Variants in ATP2A2 observed in about 807,000 individuals in gnomAD.
ATP2A2 encodes ATPase sarcoplasmic/endoplasmic reticulum Ca2+ transporting 2, also known as sarcoplasmic/endoplasmic reticulum calcium ATPase 2.
ATP2A2 carries 14 observed loss-of-function variants against 109.3 expected under a neutral mutation model. The observed-to-expected ratio is 0.13, with a 90% CI of 0.08 to 0.20. The LOEUF is 0.20. ATP2A2 is among the 10% of genes least tolerant of loss of function. The pLI, the probability that ATP2A2 is intolerant of heterozygous loss-of-function variation, is 1.00. For synonymous variants in ATP2A2, 506 were observed against 490.9 expected (o/e 1.03, Z -0.41); for missense variants, 657 against 1,321.6 (o/e 0.50, Z 7.80).
chr12:110,339,741 C>T lies in ATP2A2; in HGVS notation c.1761+20C>T, dbSNP rs1408138553. The T allele has an allele frequency of 1.9e-6, 3 of 1,608,006 alleles. No homozygotes were observed. The highest frequency in any genetic ancestry group is 1.7e-5 in the Admixed American group (1 of 59,990). The stretch of plus-strand genomic sequence containing the variant: ...TATGAGGTTAGCTAATGAAAAGTTT[C>T]TTTGTCCACACCCTGCACGATTCAT... On this transcript the variant is annotated intron_variant, in intron 13 of 19. Coordinates refer to ENST00000539276, the MANE Select transcript of ATP2A2 (RefSeq NM_170665.4). This position sits in a 1 kb window ranked among gnomAD's most constrained non-coding sequence, Gnocchi z 4.4.
intron 5 of ATP2A2, among the ~76,000 whole-genome samples, chr12:110,321,713 G>A (rs1012837090): frequency 7.9e-5 from 12 of 152,050 alleles, no homozygotes; most frequent in Middle Eastern, 6.9e-3. Flanking sequence ...GGGATTAACG[G>A]ACAGCTGTTT....
intron 5 of ATP2A2, among the ~76,000 whole-genome samples, chr12:110,310,084 T>C (rs1475305461): frequency 1.3e-5 from 2 of 152,168 alleles, no homozygotes; most frequent in African/African-American, 2.4e-5. Flanking sequence ...TTCTGTATTA[T>C]CTGCTGACAT....
chr12:110,293,815 G>A (rs1025811310), intron 4 of ATP2A2, among the ~76,000 whole-genome samples: 8 of 140,796 alleles, frequency 5.7e-5, no homozygotes, highest in Non-Finnish European at 1.2e-4. Flanking sequence ...ATTTGTAATT[G>A]TGCCATATAT....
At chr12:110,307,524 G>C (rs1034346647) in intron 5 of ATP2A2, among the ~76,000 whole-genome samples, 2 of 152,012 alleles carry the variant, frequency 1.3e-5, no homozygotes, top group African/African-American at 4.8e-5. Flanking sequence ...GTGAGCCACC[G>C]TGCCCAGCAA....
chr12:110,302,005 A>G (rs1874707888), intron 5 of ATP2A2, among the ~76,000 whole-genome samples: 1 of 152,114 alleles, frequency 6.6e-6, no homozygotes, highest in Non-Finnish European at 1.5e-5. Flanking sequence ...CATTTTCTAT[A>G]TTGTAATATA....
intron 5 of ATP2A2, among the ~76,000 whole-genome samples, chr12:110,306,077 A>G (rs571638809): frequency 6.6e-6 from 1 of 152,230 alleles, no homozygotes; most frequent in East Asian, 1.9e-4. Flanking sequence ...TTTCACCGCT[A>G]TGACAGGCTG....
chr12:110,328,474 CAGG>C (rs1033571253), intron 8 of ATP2A2, among the ~76,000 whole-genome samples: 1 of 152,120 alleles, frequency 6.6e-6, no homozygotes, highest in African/African-American at 2.4e-5. Context: ...GAGGCTGAGA[CAGG>C]AGAATTGCTT....
Position 110,348,071 on chromosome 12 carries a change from C to T in ATP2A2, c.*1601C>T. ...ACAAAAGCCGGAGTGGGGAGAGAGG[C>T]ATTTCAGCCAGACCAACAGGCTGAA... On this transcript the variant is annotated 3_prime_UTR_variant, in exon 20 of 20. Coordinates refer to ENST00000539276, the MANE Select transcript of ATP2A2 (RefSeq NM_170665.4). 1 of 986,378 alleles carries T rather than the reference C, an allele frequency of 1.0e-6. No individual in the cohort carries two copies. The highest frequency in any genetic ancestry group is 1.2e-6 in the Non-Finnish European group (1 of 830,634). 61.1% of individuals were successfully genotyped at this position (986,378 alleles called of 1,614,324 possible). A position where few individuals can be genotyped will look rare whatever the true frequency, so the allele number is the denominator to read the frequency against.
intron 5 of ATP2A2, among the ~76,000 whole-genome samples, chr12:110,309,051 G>A (rs1875691629): frequency 6.6e-6 from 1 of 151,078 alleles, no homozygotes; most frequent in South Asian, 2.1e-4. Context: ...AAGATATCTG[G>A]TAGGATGGTT....
intron 11 of ATP2A2, among the ~76,000 whole-genome samples, chr12:110,337,565 G>A (rs1878952241): frequency 6.6e-6 from 1 of 152,238 alleles, no homozygotes; most frequent in Admixed American, 6.5e-5. Flanking sequence ...CAGCAGGATC[G>A]CTGCAGGGCC....
Position 110,346,221 on chromosome 12 carries a change from G to C in ATP2A2, c.2880G>C (p.Pro960=), listed in dbSNP as rs776811812. The change falls in exon 20 of 20, where the codon CCG becomes CCC. Residue 960 remains proline (P), a synonymous_variant. Transcript: ENST00000539276. The part of the protein sequence containing the change: ...EPLPLIFQIT[P]LNVTQWLMVL... ...GTCAGCTCATCTTCCAGATCACACCGCTGAACGTGACCCAGTGGCTGATGG... is the reference window on the plus strand; with the variant it reads ...GTCAGCTCATCTTCCAGATCACACCCCTGAACGTGACCCAGTGGCTGATGG... 2.5e-6 allele frequency: 4 copies of C among 1,614,050 alleles called. No homozygotes were observed. The highest frequency in any genetic ancestry group is 1.7e-5 in the Admixed American group (1 of 59,992).
chr12:110,346,117 C>T lies in ATP2A2; in HGVS notation c.2858C>T (p.Pro953Leu), dbSNP rs1879829719. 6.2e-7 allele frequency: 1 copy of T among 1,614,040 alleles called. No homozygotes were observed. Among genetic ancestry groups the T allele is most frequent in the Non-Finnish European group, 8.5e-7 (1 of 1,180,034 alleles). Residue 953 changes from proline to leucine, a missense_variant and splice_region_variant, in exon 19 of 20, where the codon CCA becomes CTA. This residue lies in a region of ATP2A2 where 125 missense variants were observed against 243.5 expected (regional missense o/e 0.51). Coordinates refer to ENST00000539276, the MANE Select transcript of ATP2A2 (RefSeq NM_170665.4). Reference sequence around the variant, plus strand: ...CTGATCCTCTATGTCGAACCCTTGCCAGTAAGTGGTTGGGTGGGGCTTGGG... The same window carrying T: ...CTGATCCTCTATGTCGAACCCTTGCTAGTAAGTGGTTGGGTGGGGCTTGGG... ...HFLILYVEPL[P>L]LIFQITPLNV...
chr12:110,317,347 T>C (rs1183919613), intron 5 of ATP2A2, among the ~76,000 whole-genome samples: 1 of 152,222 alleles, frequency 6.6e-6, no homozygotes, highest in Non-Finnish European at 1.5e-5. Flanking sequence ...AATTAGGTTT[T>C]TAAAATGCAT....
chr12:110,334,123 C>A lies in ATP2A2; in HGVS notation c.1399C>A (p.Arg467Ser). 6.2e-7 allele frequency: 1 copy of A among 1,613,970 alleles called. No homozygotes were observed. The highest frequency in any genetic ancestry group is 8.5e-7 in the Non-Finnish European group (1 of 1,180,026). ...TELKGLSKIE[R>S]ANACNSVIKQ... ...ATTGAAGGGTCTTTCTAAAATAGAA[C>A]GTGCAAATGCCTGCAACTCAGTGAG... Residue 467 changes from arginine (R) to serine (S), a missense_variant, in exon 11 of 20, where the codon CGT (arginine) becomes AGT (serine). This residue lies in a region of ATP2A2 where 180 missense variants were observed against 329.1 expected (regional missense o/e 0.55). Transcript: ENST00000539276.
chr12:110,289,019 G>A (rs1566200102), intron 3 of ATP2A2, among the ~76,000 whole-genome samples: 1 of 152,172 alleles, frequency 6.6e-6, no homozygotes, highest in African/African-American at 2.4e-5. Context: ...GACATGATCT[G>A]ATATGGTTGT....
chr12:110,334,094 C>A lies in ATP2A2; in HGVS notation c.1370C>A (p.Thr457Asn). Residue 457 changes from threonine (T) to asparagine (N), a missense_variant, in exon 11 of 20, where the codon ACC becomes AAC. Physicochemically the swap from Thr to Asn is moderately conservative, Grantham distance 65. Coordinates refer to ENST00000539276, the MANE Select transcript of ATP2A2 (RefSeq NM_170665.4). ...GTAGAGAAGATGAATGTATTTGATA[C>A]CGAATTGAAGGGTCTTTCTAAAATA... The part of the protein sequence containing the change: ...CLVEKMNVFD[T>N]ELKGLSKIER... The A allele has an allele frequency of 6.2e-7, 1 of 1,614,084 alleles. No homozygotes were observed. The highest frequency in any genetic ancestry group is 8.5e-7 in the Non-Finnish European group (1 of 1,180,024).
chr12:110,327,804 C>T lies in ATP2A2; in HGVS notation c.882C>T (p.Tyr294=). ...HGGSWIRGAI[Y]YFKIAVALAV... ...GGTCCTGGATCAGAGGTGCTATTTA[C>T]TACTTTAAAATTGCAGTGGCCCTGG... The change falls in exon 8 of 20, where the codon TAC becomes TAT. Residue 294 remains tyrosine (Y), a synonymous_variant. Transcript: ENST00000539276. This position sits in a 1 kb window ranked among gnomAD's most constrained non-coding sequence, Gnocchi z 4.4. 6.2e-7 allele frequency: 1 copy of T among 1,614,154 alleles called. No individual in the cohort carries two copies. Among genetic ancestry groups the T allele is most frequent in the Non-Finnish European group, 8.5e-7 (1 of 1,180,032 alleles).
intron 5 of ATP2A2, among the ~76,000 whole-genome samples, chr12:110,310,096 A>T (rs1217180236): frequency 3.3e-5 from 5 of 152,120 alleles, no homozygotes; most frequent in Non-Finnish European, 7.4e-5. Flanking sequence ...TGCTGACATG[A>T]AAGTGAATCA....
intron 4 of ATP2A2, 81 bp from the exon 5 acceptor site, chr12:110,296,518 C>G: frequency 6.4e-7 from 1 of 1,573,764 alleles, no homozygotes; most frequent in Non-Finnish European, 8.7e-7. Flanking sequence ...AAGATTAGAC[C>G]TCTAACATTT....
Sources: allele counts gnomAD v4.1 joint callset (sites outside exome capture counted in the v4.1 genomes callset), GRCh38; gene constraint gnomAD v4.1.1; regional missense constraint gnomAD v4.1.1; non-coding constraint Gnocchi (gnomAD v3.1); transcripts MANE v1.5; gene names NCBI Gene and HGNC (gene_info 2026-07-23, HGNC 2026-07-21).